Variants in CCBE1 observed in about 807,000 individuals in gnomAD.
The protein encoded by CCBE1 is collagen and calcium binding EGF domains 1.
Under a neutral mutation model 50.0 loss-of-function variants are expected in CCBE1, and 37 were observed. The ratio of observed to expected loss-of-function variants is 0.74; its 90% CI spans 0.57 to 0.97. The LOEUF is 0.97. Ranked by LOEUF, CCBE1 falls within the 50% of genes least tolerant of loss-of-function variation. CCBE1 has a pLI of 0.00. For missense variants in CCBE1, 538 were observed against 523.8 expected (o/e 1.03, Z -0.26); for synonymous variants, 234 against 203.7 (o/e 1.15, Z -1.27).
At chr18:59,499,555 A>C (rs1184137540) in intron 2 of CCBE1, among the ~76,000 whole-genome samples, 1 of 152,150 alleles carries the variant, frequency 6.6e-6, no homozygotes, top group African/African-American at 2.4e-5. Context: ...GCAAAGAGAG[A>C]GAGAGCTTGT....
At chr18:59,527,087 A>G (rs1039779771) in intron 2 of CCBE1, among the ~76,000 whole-genome samples, 1 of 152,150 alleles carries the variant, frequency 6.6e-6, no homozygotes, top group African/African-American at 2.4e-5. Flanking sequence ...ATGATCTAAT[A>G]TTGACAGTGG....
chr18:59,578,006 T>A (rs766147581), intron 2 of CCBE1, among the ~76,000 whole-genome samples: 1 of 152,102 alleles, frequency 6.6e-6, no homozygotes, highest in Non-Finnish European at 1.5e-5. Context: ...AAGGAAAGTA[T>A]CATCAGAGTG....
intron 2 of CCBE1, among the ~76,000 whole-genome samples, chr18:59,634,269 T>C (rs941624086): frequency 3.9e-5 from 6 of 152,188 alleles, no homozygotes; most frequent in African/African-American, 1.4e-4. Context: ...GCAGGGAAAC[T>C]TACTCATTTG....
intron 9 of CCBE1, among the ~76,000 whole-genome samples, chr18:59,439,335 C>A (rs929695192): frequency 6.6e-6 from 1 of 151,686 alleles, no homozygotes; most frequent in African/African-American, 2.4e-5. Context: ...AGTGGTGGTG[C>A]ACACCTGTGG....
chr18:59,520,813 T>C (rs182483386), intron 2 of CCBE1, among the ~76,000 whole-genome samples: 4 of 152,378 alleles, frequency 2.6e-5, no homozygotes, highest in Non-Finnish European at 4.4e-5. Context: ...CTCTGAAACA[T>C]GTTTTTTCAA....
At chr18:59,658,156 A>G (rs1335463436) in intron 2 of CCBE1, among the ~76,000 whole-genome samples, 1 of 149,790 alleles carries the variant, frequency 6.7e-6, no homozygotes, top group African/African-American at 2.5e-5. Flanking sequence ...TACTGTGAGG[A>G]TGAAATGAAC....
intron 2 of CCBE1, among the ~76,000 whole-genome samples, chr18:59,623,931 T>TG (rs1442323363): frequency 6.6e-6 from 1 of 152,188 alleles, no homozygotes; most frequent in Non-Finnish European, 1.5e-5. Flanking sequence ...CAAAATGAAT[T>TG]GTGTGGTTTT....
At chr18:59,523,321 G>C (rs1462443889) in intron 2 of CCBE1, among the ~76,000 whole-genome samples, 1 of 151,296 alleles carries the variant, frequency 6.6e-6, no homozygotes, top group African/African-American at 2.4e-5. Flanking sequence ...GTGACAGAGA[G>C]ACAGTGTGTG....
intron 7 of CCBE1, among the ~76,000 whole-genome samples, chr18:59,440,193 C>T (rs1345465725): frequency 6.6e-6 from 1 of 152,184 alleles, no homozygotes; most frequent in East Asian, 1.9e-4. Context: ...GTAGTGGCCA[C>T]CACCACAGAG....
Position 59,671,827 on chromosome 18 carries a change from G to T in CCBE1, c.212+24802C>A, listed in dbSNP as rs548573166. 7.3e-5 allele frequency among the ~76,000 whole-genome samples: 11 copies of T among 149,944 alleles called. No individual in the cohort carries two copies. The East Asian group carries it at 1.6e-3, about 21-fold the overall frequency. ...GTGGGAAGGTTAAAAAAAAAGGGGG[G>T]GGGTAGTCAGTATTTACTCCTAGAG... On this transcript the variant is annotated intron_variant, in intron 2 of 10. Transcript: ENST00000439986.
At chr18:59,628,206 T>C (rs2053811640) in intron 2 of CCBE1, among the ~76,000 whole-genome samples, 1 of 152,190 alleles carries the variant, frequency 6.6e-6, no homozygotes, top group Admixed American at 6.5e-5. Flanking sequence ...AACAGAGTGA[T>C]ATCCAGCCTC....
chr18:59,690,947 C>A (rs2054722819), intron 2 of CCBE1, among the ~76,000 whole-genome samples: 1 of 152,222 alleles, frequency 6.6e-6, no homozygotes, highest in African/African-American at 2.4e-5. Flanking sequence ...CTGCCAGAAT[C>A]TAGCACCTGT....
chr18:59,652,963 C>CA (rs34300816), intron 2 of CCBE1, among the ~76,000 whole-genome samples: 129,273 of 148,708 alleles, frequency 0.87, 56,406 homozygotes, highest in East Asian at 0.97. Flanking sequence ...GACTCCGTCT[C>CA]AAAAAAAAAA....
chr18:59,628,085 A>C (rs2144620259), intron 2 of CCBE1, among the ~76,000 whole-genome samples: 1 of 152,154 alleles, frequency 6.6e-6, no homozygotes, highest in East Asian at 1.9e-4. Flanking sequence ...GTGGTGGTGC[A>C]TGCCTGTAGT....
At chr18:59,439,490 A>G in intron 9 of CCBE1, 53 bp downstream of exon 9, 1 of 1,583,718 alleles carries the variant, frequency 6.3e-7, no homozygotes, top group Non-Finnish European at 8.7e-7. Context: ...AACAAAACAA[A>G]AAAATCGAAA....
At chr18:59,589,184 A>G (rs2053222415) in intron 2 of CCBE1, among the ~76,000 whole-genome samples, 1 of 152,212 alleles carries the variant, frequency 6.6e-6, no homozygotes, top group African/African-American at 2.4e-5. Context: ...CCTTAGGGGC[A>G]GTATATCTAC....
chr18:59,510,704 G>C (rs1353313322), intron 2 of CCBE1, among the ~76,000 whole-genome samples: 1 of 152,148 alleles, frequency 6.6e-6, no homozygotes, highest in Admixed American at 6.5e-5. Flanking sequence ...TTACAGGCAG[G>C]AGCCACCACA....
At chr18:59,497,473 T>C (rs1913408772) in intron 2 of CCBE1, among the ~76,000 whole-genome samples, 1 of 152,110 alleles carries the variant, frequency 6.6e-6, no homozygotes, top group African/African-American at 2.4e-5. Flanking sequence ...TACCATAGAA[T>C]AGAGCAGGGC....
At chr18:59,680,713 A>T in intron 2 of CCBE1, among the ~76,000 whole-genome samples, 1 of 151,686 alleles carries the variant, frequency 6.6e-6, no homozygotes. Context: ...AAAAAAGAAA[A>T]AACAAAACAA....
Sources: gnomAD v4.1 joint callset for allele counts (sites outside exome capture counted in the v4.1 genomes callset) on GRCh38, gnomAD v4.1.1 for gene constraint, MANE v1.5 for transcripts, NCBI Gene and HGNC (gene_info 2026-07-23, HGNC 2026-07-21) for gene names.